Variants in HPSE2 observed in about 807,000 individuals in gnomAD.
HPSE2 encodes the protein inactive heparanase-2.
A neutral mutation model predicts 60.5 loss-of-function variants in HPSE2; 38 were observed. The observed-to-expected ratio is 0.63, with a 90% CI of 0.48 to 0.82. The LOEUF (loss-of-function observed/expected upper bound fraction) is 0.82, where lower values mean the gene tolerates loss of function less well. Ranked by LOEUF, HPSE2 falls within the 40% of genes least tolerant of loss-of-function variation. The pLI is 0.00. For missense variants in HPSE2, 713 were observed against 740.4 expected (o/e 0.96, Z 0.43); for synonymous variants, 295 against 293.2 (o/e 1.01, Z -0.06).
chr10:98,611,975 G>C (rs1305627814), intron 9 of HPSE2, among the ~76,000 whole-genome samples: 2 of 152,172 alleles, frequency 1.3e-5, no homozygotes, highest in Admixed American at 1.3e-4. Context: ...TGCTTTTAAA[G>C]AAAGTCACTG....
rs113283796 is a variant in HPSE2, at chr10:98,818,248, A to G, written c.611-74192T>C. ...CAATCCTCTAATGCAGCAGTCCCCA[A>G]TCTTTTTGACACCAGGGACCGGTTT... On this transcript the variant is annotated intron_variant, in intron 3 of 11. Transcript: ENST00000370552. Among the ~76,000 whole-genome samples the G allele has an allele frequency of 3.7e-3, 565 of 152,214 alleles. 3 individuals carry two copies. The highest frequency in any genetic ancestry group is 0.013 in the African/African-American group (542 of 41,512).
In HPSE2 at chr10:98,929,356, T is replaced by C. The variant is rs995032291; in HGVS notation, c.611-185300A>G. ...ACCAGGGTTGTGGTACTACCTCTAC[T>C]CCTGATAAAATAAAAATTTTAAAAC... On this transcript the variant is annotated intron_variant, in intron 3 of 11. Coordinates refer to ENST00000370552, the MANE Select transcript of HPSE2 (RefSeq NM_021828.5). 7.6e-5 allele frequency among the ~76,000 whole-genome samples: 11 copies of C among 144,020 alleles called. 1 individual carries two copies. Among genetic ancestry groups the C allele is most frequent in the East Asian group, 2.0e-4 (1 of 5,110 alleles). The allele number at this position is 144,020 out of a possible 152,430, so 94.5% of individuals were successfully genotyped here.
intron 5 of HPSE2, among the ~76,000 whole-genome samples, chr10:98,698,647 G>A (rs1356808435): frequency 1.3e-5 from 2 of 151,992 alleles, no homozygotes; most frequent in Non-Finnish European, 1.5e-5. Flanking sequence ...AATCAGAGCA[G>A]AACTGAAGGA....
chr10:98,941,981 A>G (rs1172545664), intron 3 of HPSE2, among the ~76,000 whole-genome samples: 2 of 143,398 alleles, frequency 1.4e-5, no homozygotes, highest in South Asian at 4.2e-4. Flanking sequence ...CAATGGGGAA[A>G]GGATTCCCTA....
chr10:99,295,716 T>C, the HPSE2 span, among the ~76,000 whole-genome samples: 4 of 152,160 alleles, frequency 2.6e-5, no homozygotes, highest in African/African-American at 9.7e-5. Flanking sequence ...CAGATAAAGA[T>C]TATGCCTTTG....
chr10:98,798,712 A>T (rs577743519), intron 3 of HPSE2, among the ~76,000 whole-genome samples: 56 of 152,328 alleles, frequency 3.7e-4, no homozygotes, highest in African/African-American at 1.3e-3. Flanking sequence ...TTGTAACCTC[A>T]AATCAAGAAA....
At chr10:98,775,502 TAA>T (rs1950322047) in intron 3 of HPSE2, among the ~76,000 whole-genome samples, 1 of 152,220 alleles carries the variant, frequency 6.6e-6, no homozygotes, top group South Asian at 2.1e-4. Flanking sequence ...CCAACAATTA[TAA>T]GTTTAGTTGA....
At chr10:99,207,072 A>G (rs1169181438) in intron 2 of HPSE2, among the ~76,000 whole-genome samples, 1 of 152,214 alleles carries the variant, frequency 6.6e-6, no homozygotes, top group Admixed American at 6.5e-5. Flanking sequence ...TCTTTAATCA[A>G]TTGCAATCCA....
intron 9 of HPSE2, among the ~76,000 whole-genome samples, chr10:98,495,207 G>T (rs1190293704): frequency 1.3e-5 from 2 of 151,042 alleles, no homozygotes; most frequent in Admixed American, 6.6e-5. Flanking sequence ...TGCATATATT[G>T]GCTCACTGCC....
chr10:99,169,287 C>T (rs1246106848), intron 2 of HPSE2, among the ~76,000 whole-genome samples: 1 of 149,098 alleles, frequency 6.7e-6, no homozygotes. Context: ...AGGCGGATCA[C>T]GAAGTCAGGA....
At chr10:98,687,058 T>C (rs543577910) in intron 6 of HPSE2, among the ~76,000 whole-genome samples, 266 of 152,298 alleles carry the variant, frequency 1.7e-3, no homozygotes, top group Non-Finnish European at 2.9e-3. Context: ...TTTCTCCTTT[T>C]GTTGTTATTT....
intron 2 of HPSE2, among the ~76,000 whole-genome samples, chr10:99,195,057 T>C (rs1452329335): frequency 2.0e-5 from 3 of 152,064 alleles, no homozygotes; most frequent in Non-Finnish European, 4.4e-5. Context: ...TTTATGTCAG[T>C]GATGCAAGGA....
intron 9 of HPSE2, among the ~76,000 whole-genome samples, chr10:98,500,996 A>G (rs2133709399): frequency 6.6e-6 from 1 of 152,258 alleles, no homozygotes; most frequent in Non-Finnish European, 1.5e-5. Flanking sequence ...TTAAGTCAGG[A>G]AGAATTTGAT....
chr10:99,037,696 A>G (rs1957641895), intron 3 of HPSE2, among the ~76,000 whole-genome samples: 1 of 152,072 alleles, frequency 6.6e-6, no homozygotes, highest in African/African-American at 2.4e-5. Flanking sequence ...ACTTGCATCA[A>G]CCAATGATGA....
At chr10:99,132,767 A>AC (rs1845494499) in intron 3 of HPSE2, among the ~76,000 whole-genome samples, 1 of 152,120 alleles carries the variant, frequency 6.6e-6, no homozygotes, top group Non-Finnish European at 1.5e-5. Context: ...TCCGGTCCCT[A>AC]CCCCACCAGT....
At chr10:98,565,894 G>C (rs1271181192) in intron 9 of HPSE2, among the ~76,000 whole-genome samples, 8 of 151,820 alleles carry the variant, frequency 5.3e-5, no homozygotes, top group Non-Finnish European at 8.8e-5. Context: ...TGAATAAATG[G>C]GTCACCAAGA....
the HPSE2 span, among the ~76,000 whole-genome samples, chr10:99,244,380 C>CTTTTTT: frequency 1.0e-3 from 104 of 101,760 alleles, 1 homozygote; most frequent in African/African-American, 2.7e-3. Context: ...ATTTTTATTT[C>CTTTTTT]TTTTATTATT....
intron 3 of HPSE2, among the ~76,000 whole-genome samples, chr10:99,025,836 A>G (rs901094633): frequency 3.9e-5 from 6 of 152,050 alleles, no homozygotes; most frequent in Non-Finnish European, 7.4e-5. Flanking sequence ...ACATGTATTT[A>G]CCTATGTAAC....
intron 6 of HPSE2, among the ~76,000 whole-genome samples, chr10:98,644,804 C>T (rs575699666): frequency 6.6e-6 from 1 of 152,180 alleles, no homozygotes; most frequent in Non-Finnish European, 1.5e-5. Flanking sequence ...GAGATGAAAT[C>T]CAGCAACCTT....
Sources: gnomAD v4.1 joint callset for allele counts (sites outside exome capture counted in the v4.1 genomes callset) on GRCh38, gnomAD v4.1.1 for gene constraint, MANE v1.5 for transcripts, NCBI Gene and HGNC (gene_info 2026-07-23, HGNC 2026-07-21) for gene names.